Variants in DDR2 observed in about 807,000 individuals in gnomAD.
The protein encoded by DDR2 is discoidin domain receptor tyrosine kinase 2.
A neutral mutation model predicts 94.9 loss-of-function variants in DDR2; 27 were observed. The ratio of observed to expected loss-of-function variants is 0.28; its 90% CI spans 0.21 to 0.39. DDR2 has a LOEUF of 0.39. Among genes scored for constraint, DDR2 ranks in the 10% least tolerant of loss-of-function variants. DDR2 has a pLI of 1.00. For synonymous variants in DDR2, 382 were observed against 377.2 expected, an observed-to-expected ratio of 1.01 and a Z score of -0.15; for missense variants, 783 against 1,076.0, an observed-to-expected ratio of 0.73 and a Z score of 3.81.
intron 2 of DDR2, among the ~76,000 whole-genome samples, chr1:162,681,682 G>T (rs1246000393): frequency 6.6e-6 from 1 of 152,168 alleles, no homozygotes. Flanking sequence ...AGGGGGAAGA[G>T]AACTCTCTGG....
intron 9 of DDR2, 24 bp downstream of exon 9, chr1:162,761,478 G>A: frequency 6.2e-7 from 1 of 1,614,066 alleles, no homozygotes; most frequent in Non-Finnish European, 8.5e-7. Context: ...GTCCTCTTTG[G>A]GAAGTGGGAG....
chr1:162,641,227 C>G (rs767054116), intron 1 of DDR2, among the ~76,000 whole-genome samples: 4 of 152,210 alleles, frequency 2.6e-5, no homozygotes, highest in Non-Finnish European at 4.4e-5. Flanking sequence ...GGGCAATATA[C>G]AATTTCTGTA....
intron 11 of DDR2, 70 bp from the exon 12 acceptor site, chr1:162,770,232 G>A (rs943917282): frequency 6.8e-7 from 1 of 1,465,178 alleles, no homozygotes; most frequent in Non-Finnish European, 9.5e-7. Flanking sequence ...GGAGAGCTGA[G>A]TTTAAGAAGA....
intron 3 of DDR2, among the ~76,000 whole-genome samples, chr1:162,735,971 T>G (rs1230236609): frequency 3.3e-5 from 5 of 152,208 alleles, no homozygotes; most frequent in African/African-American, 4.8e-5. Flanking sequence ...TGGCCTAGTG[T>G]TTAGAGATGC....
Position 162,700,209 on chromosome 1 carries a change from C to T in DDR2, c.-27-18828C>T, listed in dbSNP as rs904968919. 9.8e-5 allele frequency among the ~76,000 whole-genome samples: 15 copies of T among 152,308 alleles called. No homozygotes were observed. The East Asian group carries it at 1.3e-3, about 14-fold the overall frequency. ...TTCTAACCATATGACTTTCCCACCC[C>T]TCACCTGATGTTTGGCGACAATATC... On this transcript the variant is annotated intron_variant, in intron 2 of 17. Coordinates refer to ENST00000367921, the MANE Select transcript of DDR2 (RefSeq NM_006182.4).
chr1:162,659,285 G>A (rs747275384), intron 2 of DDR2, among the ~76,000 whole-genome samples: 3 of 152,192 alleles, frequency 2.0e-5, no homozygotes, highest in Non-Finnish European at 4.4e-5. Context: ...TAGCTGGGAT[G>A]TTCAAGGAAC....
rs1020778804 is a variant in DDR2 at position 162,678,514 on chromosome 1, A to G, written c.-28+23140A>G. Among the ~76,000 whole-genome samples, 6 of 152,222 alleles carry G rather than the reference A, an allele frequency of 3.9e-5. No homozygotes were observed. The East Asian group carries it at 1.2e-3, about 29-fold the overall frequency. On this transcript the variant is annotated intron_variant, in intron 2 of 17. Transcript: ENST00000367921. Reference sequence around the variant, plus strand: ...TTGCAGAAAGTTAGAGCAGGGAGGAACCCTCAAGATCATCTAATCCAAAGT... The same window carrying G: ...TTGCAGAAAGTTAGAGCAGGGAGGAGCCCTCAAGATCATCTAATCCAAAGT...
At chr1:162,758,935 G>C (rs971466715) in intron 7 of DDR2, among the ~76,000 whole-genome samples, 3 of 152,078 alleles carry the variant, frequency 2.0e-5, no homozygotes, top group African/African-American at 7.2e-5. Flanking sequence ...ATAAAAAGAA[G>C]GAAGGAGCCT....
intron 1 of DDR2, among the ~76,000 whole-genome samples, chr1:162,633,163 G>A (rs1656643007): frequency 6.6e-6 from 1 of 152,134 alleles, no homozygotes; most frequent in African/African-American, 2.4e-5. Context: ...GGGTGGCTAG[G>A]GGGAGGCTGG....
intron 2 of DDR2, among the ~76,000 whole-genome samples, chr1:162,661,276 C>CT (rs1558011550): frequency 6.6e-6 from 1 of 152,192 alleles, no homozygotes; most frequent in African/African-American, 2.4e-5. Context: ...CAACATAAGT[C>CT]TGACTTTCCC....
chr1:162,705,419 G>A (rs1384235892), intron 2 of DDR2, among the ~76,000 whole-genome samples: 2 of 152,194 alleles, frequency 1.3e-5, no homozygotes, highest in Admixed American at 6.5e-5. Context: ...TGATGAACTC[G>A]GGCTGCCCGT....
At chr1:162,735,274 T>A (rs1210722601) in intron 3 of DDR2, among the ~76,000 whole-genome samples, 1 of 152,160 alleles carries the variant, frequency 6.6e-6, no homozygotes, top group Non-Finnish European at 1.5e-5. Flanking sequence ...CTAAACCCTC[T>A]GTATGCTGGA....
intron 2 of DDR2, among the ~76,000 whole-genome samples, chr1:162,702,319 C>T (rs1660468916): frequency 6.6e-6 from 1 of 152,052 alleles, no homozygotes; most frequent in Non-Finnish European, 1.5e-5. Flanking sequence ...GAAAAGGTAT[C>T]TTTTACCTTC....
intron 2 of DDR2, among the ~76,000 whole-genome samples, chr1:162,711,789 CAT>C (rs1660927540): frequency 6.6e-6 from 1 of 151,440 alleles, no homozygotes; most frequent in African/African-American, 2.4e-5. Context: ...TATACACACA[CAT>C]ACATATATAC....
At chr1:162,691,105 G>A (rs770152938) in intron 2 of DDR2, among the ~76,000 whole-genome samples, 4 of 152,310 alleles carry the variant, frequency 2.6e-5, no homozygotes, top group East Asian at 1.9e-4. Flanking sequence ...CAAAGGACAT[G>A]CCTGGTGCCT....
At chr1:162,708,575 T>C (rs909090911) in intron 2 of DDR2, among the ~76,000 whole-genome samples, 6 of 152,184 alleles carry the variant, frequency 3.9e-5, no homozygotes, top group Admixed American at 6.5e-5. Flanking sequence ...ATCACATCAC[T>C]GCCCCCACAG....
chr1:162,740,140 C>T (rs922612803), intron 3 of DDR2, among the ~76,000 whole-genome samples: 4 of 152,068 alleles, frequency 2.6e-5, no homozygotes, highest in Admixed American at 6.6e-5. Flanking sequence ...GAATAAGATA[C>T]AGTGGCTTTA....
intron 17 of DDR2, 96 bp from the exon 18 acceptor site, chr1:162,780,016 A>G (rs1647807956): frequency 6.3e-7 from 1 of 1,586,160 alleles, no homozygotes; most frequent in Non-Finnish European, 8.6e-7. Context: ...GCAGGGGGCA[A>G]ATCAAACCAT....
At chr1:162,687,083 A>G (rs1313634805) in intron 2 of DDR2, among the ~76,000 whole-genome samples, 1 of 152,192 alleles carries the variant, frequency 6.6e-6, no homozygotes, top group South Asian at 2.1e-4. Flanking sequence ...GGAGAAGACA[A>G]TGAGGCTGCC....
Sources: allele counts gnomAD v4.1 joint callset (sites outside exome capture counted in the v4.1 genomes callset), GRCh38; gene constraint gnomAD v4.1.1; transcripts MANE v1.5; gene names NCBI Gene and HGNC (gene_info 2026-07-23, HGNC 2026-07-21).